The following PDSS2 variants were observed in gnomAD, a reference collection of about 807,000 sequenced individuals.
The protein encoded by PDSS2 is all trans-polyprenyl-diphosphate synthase PDSS2.
A neutral mutation model predicts 44.5 loss-of-function variants in PDSS2; 31 were observed. That is an observed-to-expected ratio of 0.70 (90% CI 0.52 to 0.94). PDSS2 has a LOEUF of 0.94. Among genes scored for constraint, PDSS2 ranks in the 40% least tolerant of loss-of-function variants. The pLI, the probability that PDSS2 is intolerant of heterozygous loss-of-function variation, is 0.00. For missense variants in PDSS2, 452 were observed against 482.2 expected, an observed-to-expected ratio of 0.94 and a Z score of 0.59; for synonymous variants, 157 against 180.3, an observed-to-expected ratio of 0.87 and a Z score of 1.03.
At chr6:107,406,216 G>C (rs560247167) in intron 1 of PDSS2, among the ~76,000 whole-genome samples, 3 of 152,158 alleles carry the variant, frequency 2.0e-5, no homozygotes, top group South Asian at 2.1e-4. Flanking sequence ...TCAAATGCAA[G>C]TAATAAAAGT....
At chr6:107,446,315 AAAAAAAAAG>A (rs1048420422) in intron 1 of PDSS2, among the ~76,000 whole-genome samples, 1 of 150,730 alleles carries the variant, frequency 6.6e-6, no homozygotes, top group South Asian at 2.1e-4. Flanking sequence ...ACTCCATCTA[AAAAAAAAAG>A]AAAAAAAAGA....
chr6:107,343,879 G>A lies in PDSS2; in HGVS notation c.297-9547C>T, dbSNP rs533199084. On this transcript the variant is annotated intron_variant, in intron 1 of 7. Transcript: ENST00000369037. ...GGATAAGAAAAAAATACTACCAAAC[G>A]GTAACAAGTGTTATCCAACAAATTT... Among the ~76,000 whole-genome samples, 10 of 152,110 alleles carry A rather than the reference G, an allele frequency of 6.6e-5. 1 individual carries two copies. The highest frequency in any genetic ancestry group is 2.0e-4 in the Admixed American group (3 of 15,278).
intron 1 of PDSS2, among the ~76,000 whole-genome samples, chr6:107,451,779 A>G (rs1207107217): frequency 6.6e-6 from 1 of 152,138 alleles, no homozygotes; most frequent in East Asian, 1.9e-4. Context: ...GGGCCTTTGC[A>G]GCCTCCAATC....
intron 2 of PDSS2, among the ~76,000 whole-genome samples, chr6:107,281,486 T>C (rs1775957915): frequency 6.6e-6 from 1 of 152,210 alleles, no homozygotes; most frequent in African/African-American, 2.4e-5. Context: ...TGTTCATAAT[T>C]CTGCACTCTG....
chr6:107,307,123 A>G (rs905689903), intron 2 of PDSS2, among the ~76,000 whole-genome samples: 8 of 152,236 alleles, frequency 5.3e-5, no homozygotes, highest in Admixed American at 4.6e-4. Context: ...TTCTGTGAAC[A>G]TGCATTTTTA....
chr6:107,432,114 C>T (rs1173914536), intron 1 of PDSS2, among the ~76,000 whole-genome samples: 1 of 152,170 alleles, frequency 6.6e-6, no homozygotes, highest in Non-Finnish European at 1.5e-5. Context: ...AAACCTACTA[C>T]TGAATGAAAG....
chr6:107,301,311 A>C (rs1028431854), intron 2 of PDSS2, among the ~76,000 whole-genome samples: 1 of 152,238 alleles, frequency 6.6e-6, no homozygotes, highest in East Asian at 1.9e-4. Context: ...CGGTGTGTGC[A>C]GTGTGATTTT....
intron 1 of PDSS2, among the ~76,000 whole-genome samples, chr6:107,355,474 A>G (rs1778570956): frequency 6.6e-6 from 1 of 152,356 alleles, no homozygotes; most frequent in Non-Finnish European, 1.5e-5. Context: ...TATCTTAGAT[A>G]AACTACTGTC....
chr6:107,442,041 C>T (rs990511168), intron 1 of PDSS2, among the ~76,000 whole-genome samples: 2 of 152,164 alleles, frequency 1.3e-5, no homozygotes, highest in Non-Finnish European at 2.9e-5. Context: ...TCTGTAAATT[C>T]CTGCTACTGA....
intron 1 of PDSS2, among the ~76,000 whole-genome samples, chr6:107,407,411 T>C (rs77379760): frequency 0.038 from 5,734 of 152,222 alleles, 358 homozygotes; most frequent in African/African-American, 0.13. Flanking sequence ...ACCATACATA[T>C]AAACATAGTT....
intron 4 of PDSS2, among the ~76,000 whole-genome samples, chr6:107,235,774 A>G (rs770820350): frequency 1.3e-5 from 2 of 152,196 alleles, no homozygotes; most frequent in Non-Finnish European, 2.9e-5. Flanking sequence ...GTAGACAGGG[A>G]TATTAAAACA....
At chr6:107,291,519 T>A (rs1776345657) in intron 2 of PDSS2, among the ~76,000 whole-genome samples, 1 of 144,016 alleles carries the variant, frequency 6.9e-6, no homozygotes, top group Admixed American at 7.1e-5. Flanking sequence ...AGCTAATTTT[T>A]AGTTAGTTTT....
intron 7 of PDSS2, among the ~76,000 whole-genome samples, chr6:107,188,631 G>A (rs1464222138): frequency 6.6e-6 from 1 of 152,172 alleles, no homozygotes; most frequent in South Asian, 2.1e-4. Context: ...TGTTGGAGGT[G>A]GGCCTAGCGG....
At chr6:107,326,231 T>C (rs1053189233) in intron 2 of PDSS2, among the ~76,000 whole-genome samples, 9 of 151,656 alleles carry the variant, frequency 5.9e-5, no homozygotes, top group African/African-American at 2.2e-4. Context: ...GCCTCCCGAG[T>C]AGCTGGGACT....
chr6:107,409,047 A>C (rs1041326105), intron 1 of PDSS2, among the ~76,000 whole-genome samples: 1 of 152,212 alleles, frequency 6.6e-6, no homozygotes, highest in African/African-American at 2.4e-5. Context: ...AACATATAAA[A>C]AGTTAAAACC....
In PDSS2 at chr6:107,419,962, T is replaced by C. The variant is rs373755748; in HGVS notation, c.296+39028A>G. ...GTTAACACCACATGCACACAAAGTG[T>C]TGGTATTATGTAGTCCAGACTGGTT... is the stretch of plus-strand genomic sequence containing the variant. On this transcript the variant is annotated intron_variant, in intron 1 of 7. Transcript: ENST00000369037. Among the ~76,000 whole-genome samples the C allele has an allele frequency of 3.8e-4, 58 of 152,232 alleles. No homozygotes were observed. In the South Asian group the frequency reaches 0.012, roughly 32 times the overall value.
At chr6:107,377,517 C>G (rs1779321497) in intron 1 of PDSS2, among the ~76,000 whole-genome samples, 1 of 152,080 alleles carries the variant, frequency 6.6e-6, no homozygotes, top group African/African-American at 2.4e-5. Context: ...ACCATTTGAC[C>G]CAGCCATTCC....
intron 4 of PDSS2, among the ~76,000 whole-genome samples, chr6:107,218,794 A>G (rs1773500903): frequency 6.6e-6 from 1 of 152,212 alleles, no homozygotes; most frequent in African/African-American, 2.4e-5. Flanking sequence ...GCGGTGGCTC[A>G]TGCCTATAAT....
At chr6:107,297,700 T>G (rs562531606) in intron 2 of PDSS2, among the ~76,000 whole-genome samples, 4 of 151,426 alleles carry the variant, frequency 2.6e-5, no homozygotes, top group Non-Finnish European at 5.9e-5. Context: ...TTAAGGCTCA[T>G]GAAAGGATGA....
Sources: allele counts gnomAD v4.1 joint callset (sites outside exome capture counted in the v4.1 genomes callset), GRCh38; gene constraint gnomAD v4.1.1; transcripts MANE v1.5; gene names NCBI Gene and HGNC (gene_info 2026-07-23, HGNC 2026-07-21).